ZHX2: variants seen among roughly 807,000 people sequenced by gnomAD.
The protein encoded by ZHX2 is zinc fingers and homeoboxes 2.
Under a neutral mutation model 21.9 loss-of-function variants are expected in ZHX2, and 6 were observed. That is an observed-to-expected ratio of 0.27 (90% CI 0.15 to 0.54). The LOEUF (loss-of-function observed/expected upper bound fraction) is 0.54. Among genes scored for constraint, ZHX2 ranks in the 20% least tolerant of loss-of-function variants. The pLI, the probability that ZHX2 is intolerant of heterozygous loss-of-function variation, is 0.95. For missense variants in ZHX2, 908 were observed against 1,090.7 expected, an observed-to-expected ratio of 0.83 and a Z score of 2.36; for synonymous variants, 434 against 437.1, an observed-to-expected ratio of 0.99 and a Z score of 0.09.
intron 1 of ZHX2, among the ~76,000 whole-genome samples, chr8:122,856,237 TC>T: frequency 6.6e-6 from 1 of 152,304 alleles, no homozygotes; most frequent in East Asian, 1.9e-4. Context: ...ATATGCTATC[TC>T]CCTATGCTAA....
intron 2 of ZHX2, among the ~76,000 whole-genome samples, chr8:122,916,304 C>T (rs989308026): frequency 6.6e-6 from 1 of 152,172 alleles, no homozygotes; most frequent in Non-Finnish European, 1.5e-5. Context: ...GCACATCTTC[C>T]AGCCGCATCC....
chr8:122,784,167 C>A (rs144963754), intron 1 of ZHX2, among the ~76,000 whole-genome samples: 1 of 152,226 alleles, frequency 6.6e-6, no homozygotes, highest in Non-Finnish European at 1.5e-5. Flanking sequence ...TGGCCCCACC[C>A]GGCGTTTCTC....
chr8:122,909,201 T>G (rs953998418), intron 2 of ZHX2, among the ~76,000 whole-genome samples: 3 of 152,008 alleles, frequency 2.0e-5, no homozygotes, highest in African/African-American at 7.3e-5. Context: ...GAGATCGAGG[T>G]GGGTGGATCA....
At chr8:122,949,424 TA>T (rs1221526546) in intron 2 of ZHX2, among the ~76,000 whole-genome samples, 1 of 152,008 alleles carries the variant, frequency 6.6e-6, no homozygotes, top group African/African-American at 2.4e-5. Context: ...AAATTCATAA[TA>T]AAAACCACTG....
In ZHX2 at chr8:122,887,374, C is replaced by T. The variant is rs548467070; in HGVS notation, c.-220+23835C>T. On this transcript the variant is annotated intron_variant, in intron 2 of 3. Transcript: ENST00000314393. ...CTAAAAATACAAAAAAAAAAGTAGC[C>T]GGGTGTGGTGGCAGGCGCCTGTAAT... Among the ~76,000 whole-genome samples, 456 of 151,576 alleles carry T rather than the reference C, an allele frequency of 3.0e-3. 1 individual carries two copies. The highest frequency in any genetic ancestry group is 0.01 in the Middle Eastern group (3 of 294).
At position 122,887,050 on chromosome 8, in the gene ZHX2, CGTGTGTGTGTGTGTGTGTGTGT is replaced by C. The variant is rs10549696; in HGVS notation, c.-220+23534_-220+23555del. ...TGTACCTGACACGGTGCTCTGCCAC[CGTGTGTGTGTGTGTGTGTGTGT>C]GTGTGTGTGTGTGTGTGTGTGTACA... On this transcript the variant is annotated intron_variant, in intron 2 of 3. Transcript: ENST00000314393. 2.2e-5 allele frequency among the ~76,000 whole-genome samples: 3 copies of C among 136,372 alleles called. No individual in the cohort carries two copies. The East Asian group carries it at 6.6e-4, about 30-fold the overall frequency. 89.5% of individuals were successfully genotyped at this position (136,372 alleles called of 152,430 possible).
intron 2 of ZHX2, among the ~76,000 whole-genome samples, chr8:122,905,833 G>T (rs1484055361): frequency 6.6e-6 from 1 of 152,194 alleles, no homozygotes; most frequent in Non-Finnish European, 1.5e-5. Flanking sequence ...GCCATTGAAA[G>T]TAAGGCAAAA....
chr8:122,937,330 C>G (rs1395332840), intron 2 of ZHX2, among the ~76,000 whole-genome samples: 1 of 152,178 alleles, frequency 6.6e-6, no homozygotes, highest in Non-Finnish European at 1.5e-5. Flanking sequence ...TGAGTCGATG[C>G]TGGTGCATTT....
intron 3 of ZHX2, among the ~76,000 whole-genome samples, chr8:122,970,840 A>G (rs1813702669): frequency 6.6e-6 from 1 of 152,138 alleles, no homozygotes; most frequent in Non-Finnish European, 1.5e-5. Context: ...GATCAGCAAT[A>G]AGGCTCGTGG....
intron 1 of ZHX2, among the ~76,000 whole-genome samples, chr8:122,834,491 C>T (rs560420228): frequency 6.6e-6 from 1 of 152,352 alleles, no homozygotes; most frequent in Non-Finnish European, 1.5e-5. Context: ...AGGAGGCTTC[C>T]GTGTGGAGCT....
Position 122,847,499 on chromosome 8 carries a change from G to T in ZHX2, c.-282-15978G>T, listed in dbSNP as rs1818779996. On this transcript the variant is annotated intron_variant, in intron 1 of 3. Coordinates refer to ENST00000314393, the MANE Select transcript of ZHX2 (RefSeq NM_014943.5). The stretch of plus-strand genomic sequence containing the variant: ...GAGTCCAGGTCCCTCCTCAAGGGTG[G>T]GTCTTGGCAACAGAGGCCTTGCCTT... 1.3e-5 allele frequency among the ~76,000 whole-genome samples: 2 copies of T among 152,138 alleles called. 1 individual carries two copies. The highest frequency in any genetic ancestry group is 4.1e-4 in the South Asian group (2 of 4,822).
chr8:122,905,068 T>TAG (rs1820314444), intron 2 of ZHX2, among the ~76,000 whole-genome samples: 1 of 152,112 alleles, frequency 6.6e-6, no homozygotes, highest in Admixed American at 6.6e-5. Flanking sequence ...AACTTCAAGA[T>TAG]AGAATATTAG....
intron 2 of ZHX2, among the ~76,000 whole-genome samples, chr8:122,868,891 A>T (rs1411713333): frequency 1.3e-5 from 2 of 152,188 alleles, no homozygotes; most frequent in East Asian, 3.9e-4. Context: ...AATGAAATCT[A>T]TGCGAAGCAG....
intron 2 of ZHX2, among the ~76,000 whole-genome samples, chr8:122,883,258 C>A (rs906537029): frequency 6.6e-6 from 1 of 152,134 alleles, no homozygotes; most frequent in African/African-American, 2.4e-5. Flanking sequence ...GTGCAATGCT[C>A]GACCTGAGCC....
chr8:122,920,873 A>G (rs1488133846), intron 2 of ZHX2, among the ~76,000 whole-genome samples: 1 of 152,078 alleles, frequency 6.6e-6, no homozygotes, highest in Non-Finnish European at 1.5e-5. Context: ...GCTGAGCTCC[A>G]TATGGGCGGG....
At chr8:122,796,029 G>T (rs1212338051) in intron 1 of ZHX2, among the ~76,000 whole-genome samples, 2 of 152,052 alleles carry the variant, frequency 1.3e-5, no homozygotes, top group African/African-American at 4.8e-5. Flanking sequence ...AAATTAGCTG[G>T]GCATGGTGGC....
chr8:122,785,290 G>T (rs77685665), intron 1 of ZHX2, among the ~76,000 whole-genome samples: 2,879 of 152,242 alleles, frequency 0.019, 58 homozygotes, highest in East Asian at 0.045. Flanking sequence ...GGACTTTTTT[G>T]TGTCAGACAA....
intron 1 of ZHX2, among the ~76,000 whole-genome samples, chr8:122,860,491 G>T (rs956643681): frequency 1.3e-5 from 2 of 152,190 alleles, no homozygotes; most frequent in East Asian, 3.8e-4. Flanking sequence ...CACAATTCAT[G>T]CAACTCTTTA....
At chr8:122,809,791 A>G (rs1228986717) in intron 1 of ZHX2, among the ~76,000 whole-genome samples, 1 of 152,214 alleles carries the variant, frequency 6.6e-6, no homozygotes, top group Non-Finnish European at 1.5e-5. Context: ...ATGTGACGTT[A>G]GGCCACTCTG....
Sources: allele counts gnomAD v4.1 joint callset (sites outside exome capture counted in the v4.1 genomes callset), GRCh38; gene constraint gnomAD v4.1.1; transcripts MANE v1.5; gene names NCBI Gene and HGNC (gene_info 2026-07-23, HGNC 2026-07-21).